The following SYNDIG1 variants were observed in gnomAD, a reference collection of about 807,000 sequenced individuals.
SYNDIG1 encodes synapse differentiation-inducing gene protein 1.
Under a neutral mutation model 19.4 loss-of-function variants are expected in SYNDIG1, and 9 were observed. The ratio of observed to expected loss-of-function variants is 0.46; its 90% CI spans 0.28 to 0.81. The LOEUF is 0.81. Ranked by LOEUF, SYNDIG1 falls within the 30% of genes least tolerant of loss-of-function variation. The pLI is 0.12. For missense variants in SYNDIG1, 311 were observed against 343.3 expected (o/e 0.91, Z 0.74); for synonymous variants, 141 against 145.9 (o/e 0.97, Z 0.24).
At chr20:24,626,921 C>A (rs527885981) in intron 3 of SYNDIG1, among the ~76,000 whole-genome samples, 2 of 152,230 alleles carry the variant, frequency 1.3e-5, no homozygotes, top group Admixed American at 6.5e-5. Flanking sequence ...CAAAAAAATA[C>A]GAAAACCAGT....
At chr20:24,601,812 C>A (rs1020060080) in intron 3 of SYNDIG1, among the ~76,000 whole-genome samples, 2 of 152,114 alleles carry the variant, frequency 1.3e-5, no homozygotes, top group Non-Finnish European at 2.9e-5. Flanking sequence ...AAAGAACATC[C>A]TTTAGAATTT....
intron 2 of SYNDIG1, among the ~76,000 whole-genome samples, chr20:24,554,624 T>G (rs2057774277): frequency 1.3e-5 from 2 of 152,374 alleles, no homozygotes; most frequent in South Asian, 4.1e-4. Context: ...TTGCGTGTAT[T>G]GAACCAGCCT....
chr20:24,543,496 C>A lies in SYNDIG1; in HGVS notation c.399C>A (p.Phe133Leu). 1 of 1,612,356 alleles carries A rather than the reference C, an allele frequency of 6.2e-7. No individual in the cohort carries two copies. The highest frequency in any genetic ancestry group is 8.5e-7 in the Non-Finnish European group (1 of 1,180,024). Residue 133 changes from phenylalanine to leucine, a missense_variant, in exon 2 of 4, where the codon TTC (phenylalanine) becomes TTA (leucine). By Grantham distance (22) the Phe-to-Leu change is conservative. Coordinates refer to ENST00000376862, the MANE Select transcript of SYNDIG1 (RefSeq NM_024893.3). ...KDSLEYPDGK[F>L]IDLSADDIKI... ...GCCTCGAGTACCCGGATGGGAAGTT[C>A]ATTGACCTCTCAGCTGATGACATAA...
intron 1 of SYNDIG1, among the ~76,000 whole-genome samples, chr20:24,502,815 A>G (rs528758101): frequency 1.3e-5 from 2 of 152,344 alleles, no homozygotes; most frequent in South Asian, 2.1e-4. Flanking sequence ...ATAAAATACA[A>G]AGGTCACTGA....
chr20:24,514,457 A>C (rs1032820476), intron 1 of SYNDIG1, among the ~76,000 whole-genome samples: 2 of 152,200 alleles, frequency 1.3e-5, no homozygotes. Context: ...AAAACAAAAA[A>C]AGGCAGGGGT....
intron 3 of SYNDIG1, among the ~76,000 whole-genome samples, chr20:24,618,297 G>C (rs1477416486): frequency 2.0e-5 from 3 of 149,860 alleles, no homozygotes; most frequent in Non-Finnish European, 3.0e-5. Flanking sequence ...GGACAGCCCA[G>C]GGAAGGGGGA....
intron 1 of SYNDIG1, among the ~76,000 whole-genome samples, chr20:24,479,526 C>A (rs894362383): frequency 1.3e-5 from 2 of 152,150 alleles, no homozygotes; most frequent in Non-Finnish European, 2.9e-5. Context: ...CCTTCCCATG[C>A]CCCTTCCTCT....
At chr20:24,563,164 T>G (rs2057978022) in intron 2 of SYNDIG1, among the ~76,000 whole-genome samples, 1 of 152,222 alleles carries the variant, frequency 6.6e-6, no homozygotes, top group Non-Finnish European at 1.5e-5. Context: ...ATGTGTTCGA[T>G]GGCTTATTAA....
intron 3 of SYNDIG1, among the ~76,000 whole-genome samples, chr20:24,651,329 C>G (rs1049049692): frequency 5.9e-5 from 9 of 152,236 alleles, no homozygotes; most frequent in African/African-American, 2.2e-4. Flanking sequence ...AAGAATGTCA[C>G]AAATGTATCT....
intron 3 of SYNDIG1, among the ~76,000 whole-genome samples, chr20:24,664,396 C>T (rs979331783): frequency 2.0e-5 from 3 of 152,160 alleles, no homozygotes; most frequent in African/African-American, 4.8e-5. Flanking sequence ...TTTCTGGAGA[C>T]GGCCATGAGA....
intron 1 of SYNDIG1, among the ~76,000 whole-genome samples, chr20:24,498,801 C>T (rs1010095976): frequency 6.6e-5 from 10 of 152,132 alleles, no homozygotes; most frequent in Non-Finnish European, 1.2e-4. Context: ...CACCTTTTTT[C>T]CCTTCATTTG....
At chr20:24,613,977 C>T (rs780075663) in intron 3 of SYNDIG1, among the ~76,000 whole-genome samples, 1 of 152,140 alleles carries the variant, frequency 6.6e-6, no homozygotes, top group Non-Finnish European at 1.5e-5. Context: ...TGATCGCCAG[C>T]GGGGTTGGGC....
At chr20:24,559,288 A>T (rs927921416) in intron 2 of SYNDIG1, among the ~76,000 whole-genome samples, 6 of 152,198 alleles carry the variant, frequency 3.9e-5, no homozygotes, top group Admixed American at 3.3e-4. Context: ...GTGGAAACTC[A>T]GAAGGGTGAG....
intron 3 of SYNDIG1, among the ~76,000 whole-genome samples, chr20:24,660,323 AT>A (rs2059571691): frequency 6.6e-6 from 1 of 152,222 alleles, no homozygotes; most frequent in East Asian, 1.9e-4. Flanking sequence ...AATGCTGACC[AT>A]TTCCCCAAGT....
chr20:24,664,330 A>G (rs970412045), intron 3 of SYNDIG1, among the ~76,000 whole-genome samples: 5 of 152,166 alleles, frequency 3.3e-5, no homozygotes, highest in African/African-American at 4.8e-5. Context: ...ACTCACCTAT[A>G]AAACCTAGTA....
At chr20:24,482,194 G>T (rs1387006671) in intron 1 of SYNDIG1, among the ~76,000 whole-genome samples, 5 of 152,060 alleles carry the variant, frequency 3.3e-5, no homozygotes, top group Non-Finnish European at 7.4e-5. Context: ...CTTGTTTTTT[G>T]GTTTTTGTTG....
chr20:24,485,028 TTCTGTTTGGTC>T (rs2055916544), intron 1 of SYNDIG1, among the ~76,000 whole-genome samples: 1 of 152,190 alleles, frequency 6.6e-6, no homozygotes, highest in African/African-American at 2.4e-5. Context: ...AGGTTCCTCC[TTCTGTTTGGTC>T]TCTTTCCCTG....
intron 2 of SYNDIG1, among the ~76,000 whole-genome samples, chr20:24,575,044 T>C (rs900757493): frequency 1.3e-5 from 2 of 152,240 alleles, no homozygotes; most frequent in Non-Finnish European, 2.9e-5. Context: ...CTGGATGTGC[T>C]TCCCCAGCCT....
At chr20:24,613,345 G>A (rs996281766) in intron 3 of SYNDIG1, among the ~76,000 whole-genome samples, 15 of 152,130 alleles carry the variant, frequency 9.9e-5, no homozygotes, top group African/African-American at 1.7e-4. Flanking sequence ...AGCACCATCC[G>A]CACCTGGACA....
Sources: allele counts gnomAD v4.1 joint callset (sites outside exome capture counted in the v4.1 genomes callset), GRCh38; gene constraint gnomAD v4.1.1; transcripts MANE v1.5; gene names NCBI Gene and HGNC (gene_info 2026-07-23, HGNC 2026-07-21).